The following TMEM132B variants were observed in gnomAD, a reference collection of about 807,000 sequenced individuals.
TMEM132B encodes transmembrane protein 132B.
TMEM132B carries 18 observed loss-of-function variants against 90.8 expected under a neutral mutation model. The observed-to-expected ratio is 0.20, with a 90% CI of 0.14 to 0.29. TMEM132B has a LOEUF of 0.29. Ranked by LOEUF, TMEM132B falls within the 10% of genes least tolerant of loss-of-function variation. The pLI, the probability that TMEM132B is intolerant of heterozygous loss-of-function variation, is 1.00. For missense variants in TMEM132B, 1,096 were observed against 1,326.8 expected (o/e 0.83, Z 2.70); for synonymous variants, 504 against 523.3 (o/e 0.96, Z 0.50).
intron 3 of TMEM132B, among the ~76,000 whole-genome samples, chr12:125,433,018 C>T (rs936604753): frequency 1.3e-5 from 2 of 152,198 alleles, no homozygotes; most frequent in Non-Finnish European, 2.9e-5. Context: ...TTTCCTTAAG[C>T]AGCACCTGCA....
intron 4 of TMEM132B, among the ~76,000 whole-genome samples, chr12:125,556,468 A>G: frequency 6.6e-6 from 1 of 152,310 alleles, no homozygotes; most frequent in East Asian, 1.9e-4. Flanking sequence ...ATATGATTAG[A>G]AGAAAAACCC....
chr12:125,394,703 A>C (rs2136308975), intron 2 of TMEM132B, among the ~76,000 whole-genome samples: 1 of 152,302 alleles, frequency 6.6e-6, no homozygotes, highest in East Asian at 1.9e-4. Flanking sequence ...TGAATCTGGG[A>C]CTTGGAAGAA....
intron 1 of TMEM132B, among the ~76,000 whole-genome samples, chr12:125,342,348 TACTA>T (rs1273527206): frequency 1.3e-5 from 2 of 152,338 alleles, no homozygotes; most frequent in East Asian, 1.9e-4. Flanking sequence ...CACCATCATT[TACTA>T]ACTGTGTAAT....
At chr12:125,475,874 T>A (rs1037262701) in intron 3 of TMEM132B, among the ~76,000 whole-genome samples, 11 of 152,250 alleles carry the variant, frequency 7.2e-5, no homozygotes, top group Non-Finnish European at 5.9e-5. Context: ...CTCTAGACCA[T>A]TATGGAATCA....
chr12:125,398,036 G>A lies in TMEM132B; in HGVS notation c.960-17495G>A, dbSNP rs150676469. Among the ~76,000 whole-genome samples the A allele has an allele frequency of 5.6e-3, 845 of 152,096 alleles. 9 individuals carry two copies. Among genetic ancestry groups the A allele is most frequent in the Non-Finnish European group, 5.0e-3 (340 of 68,014 alleles). On this transcript the variant is annotated intron_variant, in intron 2 of 8. Coordinates refer to ENST00000682704, the MANE Select transcript of TMEM132B (RefSeq NM_001366854.1). ...AGGGAGCATCAGCAGCTCAGTTCAG[G>A]GTCCAGTTTGCTTGGAAAAGATATC... is the stretch of plus-strand genomic sequence containing the variant.
In TMEM132B at chr12:125,545,768, G is replaced by A. The variant is rs569941023; in HGVS notation, c.1293+26143G>A. On this transcript the variant is annotated intron_variant, in intron 4 of 8. Coordinates refer to ENST00000682704, the MANE Select transcript of TMEM132B (RefSeq NM_001366854.1). ...AAATGAAGAAGAGACAAGAGATAAT[G>A]AGAACAGATTCCTGGTGGGTTCTTT... Among the ~76,000 whole-genome samples the A allele has an allele frequency of 3.2e-4, 48 of 152,324 alleles. No individual in the cohort carries two copies. The South Asian group carries it at 8.5e-3, about 27-fold the overall frequency.
chr12:125,227,470 A>G (rs1327484641), intron 1 of TMEM132B, among the ~76,000 whole-genome samples: 1 of 152,040 alleles, frequency 6.6e-6, no homozygotes, highest in East Asian at 1.9e-4. Flanking sequence ...CTGTCATTTT[A>G]ATGACTGTGC....
intron 1 of TMEM132B, among the ~76,000 whole-genome samples, chr12:125,200,899 C>A (rs1300416785): frequency 1.3e-5 from 2 of 152,122 alleles, no homozygotes. Flanking sequence ...TCTTGGAATG[C>A]CAGCCCATCT....
At chr12:125,191,629 C>T (rs1872795816) in intron 1 of TMEM132B, among the ~76,000 whole-genome samples, 1 of 152,164 alleles carries the variant, frequency 6.6e-6, no homozygotes, top group African/African-American at 2.4e-5. Context: ...CTTTCTGTTC[C>T]CTCTCTCTTT....
At chr12:125,433,634 A>G (rs999245215) in intron 3 of TMEM132B, among the ~76,000 whole-genome samples, 1 of 148,180 alleles carries the variant, frequency 6.7e-6, no homozygotes, top group Non-Finnish European at 1.5e-5. Flanking sequence ...CTCGTCATCT[A>G]GCATTAGGTA....
At chr12:125,465,539 T>C (rs1206250578) in intron 3 of TMEM132B, among the ~76,000 whole-genome samples, 1 of 152,152 alleles carries the variant, frequency 6.6e-6, no homozygotes, top group East Asian at 1.9e-4. Context: ...CAGGAAAGTA[T>C]CTTAGAGTCT....
rs1324313970 is a variant in TMEM132B, at chr12:125,246,693, C to T, written c.67+59827C>T. On this transcript the variant is annotated intron_variant, in intron 1 of 8. Transcript: ENST00000682704. The surrounding 1 kb of genome is among the most constrained non-coding windows in gnomAD (Gnocchi z 4.2). ...CAAATACTGATTTTTCCATTTCGGG[C>T]TCTTTTGTGAAGTGCTTTGATTCTT... Among the ~76,000 whole-genome samples the T allele has an allele frequency of 1.3e-5, 2 of 152,176 alleles. No individual in the cohort carries two copies. Among genetic ancestry groups the T allele is most frequent in the Admixed American group, 1.3e-4 (2 of 15,280 alleles).
chr12:125,379,846 A>G (rs1022765127), intron 2 of TMEM132B, among the ~76,000 whole-genome samples: 11 of 152,208 alleles, frequency 7.2e-5, no homozygotes, highest in Admixed American at 7.2e-4. Flanking sequence ...GACATTTCCA[A>G]GTGCTGCCAC....
chr12:125,191,164 GGGT>G (rs1329197429), intron 1 of TMEM132B, among the ~76,000 whole-genome samples: 16 of 139,348 alleles, frequency 1.1e-4, no homozygotes, highest in African/African-American at 3.0e-4. Context: ...GACAGGGAAG[GGGT>G]GGTGGTGGTG....
intron 1 of TMEM132B, among the ~76,000 whole-genome samples, chr12:125,316,955 C>G (rs1278147846): frequency 1.3e-5 from 2 of 152,190 alleles, no homozygotes; most frequent in Non-Finnish European, 2.9e-5. Context: ...CAGCCTTTGG[C>G]CAAGCCTCCT....
chr12:125,634,567 A>G (rs763413985), intron 5 of TMEM132B, among the ~76,000 whole-genome samples: 9 of 152,244 alleles, frequency 5.9e-5, no homozygotes, highest in Non-Finnish European at 1.2e-4. Flanking sequence ...AGGCTCAGCC[A>G]TGGCCCTTGA....
At chr12:125,534,584 CA>C (rs1270217171) in intron 4 of TMEM132B, among the ~76,000 whole-genome samples, 3 of 151,960 alleles carry the variant, frequency 2.0e-5, no homozygotes, top group Admixed American at 6.6e-5. Context: ...AAACAGTAAA[CA>C]AAAATCATCT....
At position 125,531,370 on chromosome 12, in the gene TMEM132B, G is replaced by A. The variant is rs112080405; in HGVS notation, c.1293+11745G>A. Among the ~76,000 whole-genome samples, 1,420 of 152,124 alleles carry A rather than the reference G, an allele frequency of 9.3e-3. 19 individuals are homozygous for A. The highest frequency in any genetic ancestry group is 0.033 in the African/African-American group (1,355 of 41,492). ...CCGGCTGATTTTTATTTATTTTTTTGTAGAGACAAAGTCTCACTATGTTGC... is the reference window on the plus strand; with the variant it reads ...CCGGCTGATTTTTATTTATTTTTTTATAGAGACAAAGTCTCACTATGTTGC... On this transcript the variant is annotated intron_variant, in intron 4 of 8. Transcript: ENST00000682704.
chr12:125,406,017 C>G lies in TMEM132B; in HGVS notation c.960-9514C>G, dbSNP rs1358109733. ...GTTGTGAATTCAGGTTGTAGCTTTC[C>G]TTGCTTTTTTTTGGAATATTTATTA... On this transcript the variant is annotated intron_variant, in intron 2 of 8. Transcript: ENST00000682704. The surrounding 1 kb of genome is among the most constrained non-coding windows in gnomAD (Gnocchi z 8.3). Among the ~76,000 whole-genome samples, 2 of 152,088 alleles carry G rather than the reference C, an allele frequency of 1.3e-5. No homozygotes were observed. The highest frequency in any genetic ancestry group is 2.9e-5 in the Non-Finnish European group (2 of 68,022).
Sources: allele counts gnomAD v4.1 joint callset (sites outside exome capture counted in the v4.1 genomes callset), GRCh38; gene constraint gnomAD v4.1.1; non-coding constraint Gnocchi (gnomAD v3.1); transcripts MANE v1.5; gene names NCBI Gene and HGNC (gene_info 2026-07-23, HGNC 2026-07-21).